The following KIAA0825 variants were observed in gnomAD, a reference collection of about 807,000 sequenced individuals.
KIAA0825 encodes KIAA0825.
KIAA0825 carries 119 observed loss-of-function variants against 147.6 expected under a neutral mutation model. The ratio of observed to expected loss-of-function variants is 0.81; its 90% CI spans 0.69 to 0.94. KIAA0825 has a LOEUF of 0.94. KIAA0825 is among the 40% of genes least tolerant of loss of function. The probability of loss-of-function intolerance (pLI) is 0.00; values close to 1 mark genes in which losing one functional copy is unlikely to be tolerated. For missense variants in KIAA0825, 1,381 were observed against 1,472.7 expected (o/e 0.94, Z 1.02); for synonymous variants, 470 against 518.1 (o/e 0.91, Z 1.26).
chr5:94,491,559 T>A (rs879288948), intron 5 of KIAA0825, among the ~76,000 whole-genome samples: 14 of 152,192 alleles, frequency 9.2e-5, no homozygotes, highest in Admixed American at 3.3e-4. Flanking sequence ...TAAAGGGCCT[T>A]CTGTGTCACT....
chr5:94,243,911 C>A (rs1336397984), intron 20 of KIAA0825, among the ~76,000 whole-genome samples: 1 of 152,146 alleles, frequency 6.6e-6, no homozygotes, highest in African/African-American at 2.4e-5. Context: ...AATCGTCTTG[C>A]AGTGTTTTCT....
intron 13 of KIAA0825, among the ~76,000 whole-genome samples, chr5:94,451,079 T>G (rs912650773): frequency 6.6e-6 from 1 of 152,188 alleles, no homozygotes; most frequent in Admixed American, 6.5e-5. Flanking sequence ...AGATAATGTA[T>G]GTAAAGCACT....
chr5:94,356,573 C>T (rs1026168735), intron 20 of KIAA0825, among the ~76,000 whole-genome samples: 1 of 150,816 alleles, frequency 6.6e-6, no homozygotes, highest in African/African-American at 2.4e-5. Context: ...ATTGCGCCAC[C>T]GGACTCCAGC....
chr5:94,463,863 G>A (rs1027620849), intron 11 of KIAA0825, among the ~76,000 whole-genome samples: 25 of 151,820 alleles, frequency 1.6e-4, no homozygotes, highest in Middle Eastern at 3.4e-3. Context: ...GCTACATAAG[G>A]AAAAGAATGA....
chr5:94,446,957 T>C lies in KIAA0825; in HGVS notation c.2357+6002A>G, dbSNP rs575450229. ...AGTAGATATTAGAAGTTAAAATTAA[T>C]GAGACTTAGTAATGGATTTGGTGTG... is the stretch of plus-strand genomic sequence containing the variant. On this transcript the variant is annotated intron_variant, in intron 13 of 20. Transcript: ENST00000682413. 3.5e-4 allele frequency among the ~76,000 whole-genome samples: 53 copies of C among 152,252 alleles called. 1 individual carries two copies. Among genetic ancestry groups the C allele is most frequent in the African/African-American group, 9.6e-4 (40 of 41,570 alleles).
chr5:94,240,972 A>T (rs1257591441), intron 20 of KIAA0825, among the ~76,000 whole-genome samples: 1 of 152,230 alleles, frequency 6.6e-6, no homozygotes, highest in African/African-American at 2.4e-5. Flanking sequence ...TGCCTGGTAA[A>T]TAAATGAATC....
intron 2 of KIAA0825, among the ~76,000 whole-genome samples, chr5:94,556,214 G>A (rs1041676778): frequency 3.3e-5 from 5 of 151,990 alleles, no homozygotes; most frequent in East Asian, 1.9e-4. Flanking sequence ...CACCACACCC[G>A]GCTAGTTTTT....
At chr5:94,326,403 T>C (rs1780696770) in intron 20 of KIAA0825, among the ~76,000 whole-genome samples, 1 of 152,186 alleles carries the variant, frequency 6.6e-6, no homozygotes. Flanking sequence ...TTTAATGTGA[T>C]AGCTAAAGTA....
rs528088296 is a variant in KIAA0825 at position 94,201,549 on chromosome 5, A to C, written c.3711-47425T>G. Among the ~76,000 whole-genome samples the C allele has an allele frequency of 5.3e-5, 8 of 151,682 alleles. No individual in the cohort carries two copies. In the South Asian group the frequency reaches 1.0e-3, roughly 20 times the overall value. On this transcript the variant is annotated intron_variant, in intron 20 of 20. Transcript: ENST00000682413. ...CAGCCTTCTGAGTAGCCTGGAATAC[A>C]GGTGCATGCCACCTTGCCTTGCTAA...
Position 94,550,766 on chromosome 5 carries a change from C to T in KIAA0825, c.-1-13639G>A, listed in dbSNP as rs1313388456. On this transcript the variant is annotated intron_variant, in intron 2 of 20. Transcript: ENST00000682413. ...CTGAGGCAGGAGAATGGCGTGAGCC[C>T]GGGAGGCGGAGCTTGCAGTGAGCCC... 8.0e-5 allele frequency among the ~76,000 whole-genome samples: 12 copies of T among 150,644 alleles called. No homozygotes were observed. In the South Asian group the frequency reaches 1.1e-3, roughly 13 times the overall value.
intron 1 of KIAA0825, among the ~76,000 whole-genome samples, chr5:94,602,283 G>A (rs976316358): frequency 3.3e-5 from 5 of 151,950 alleles, no homozygotes; most frequent in African/African-American, 7.3e-5. Context: ...CCTGGGAGGC[G>A]GAGCTTGCAG....
intron 20 of KIAA0825, among the ~76,000 whole-genome samples, chr5:94,307,605 G>A (rs1257863637): frequency 1.3e-5 from 2 of 151,328 alleles, no homozygotes; most frequent in African/African-American, 2.4e-5. Context: ...CTCCTTGCTC[G>A]CATCTTTTGC....
At chr5:94,209,316 C>T (rs753468179) in intron 20 of KIAA0825, among the ~76,000 whole-genome samples, 1 of 152,108 alleles carries the variant, frequency 6.6e-6, no homozygotes, top group Non-Finnish European at 1.5e-5. Flanking sequence ...CTGAATAGTC[C>T]AGATTCTAGA....
At chr5:94,565,080 C>T (rs1584906919) in intron 2 of KIAA0825, among the ~76,000 whole-genome samples, 4 of 95,454 alleles carry the variant, frequency 4.2e-5, no homozygotes, top group African/African-American at 7.9e-5. Context: ...CTCTTTCTCT[C>T]TCTTTCTTGC....
At chr5:94,560,857 C>T (rs1225217030) in intron 2 of KIAA0825, among the ~76,000 whole-genome samples, 1 of 152,240 alleles carries the variant, frequency 6.6e-6, no homozygotes, top group Non-Finnish European at 1.5e-5. Context: ...ACACAGCACA[C>T]ACACACGCAC....
intron 1 of KIAA0825, among the ~76,000 whole-genome samples, chr5:94,595,035 T>C (rs57922034): frequency 0.011 from 1,623 of 152,298 alleles, 34 homozygotes; most frequent in African/African-American, 0.036. Flanking sequence ...TTTCAGAGGC[T>C]GGCGTTGAGT....
In KIAA0825 at chr5:94,524,109, C is replaced by T. The variant is rs781764173; in HGVS notation, c.132-11G>A. 1 of 1,582,092 alleles carries T rather than the reference C, an allele frequency of 6.3e-7. No homozygotes were observed. Among genetic ancestry groups the T allele is most frequent in the Admixed American group, 1.8e-5 (1 of 55,486 alleles). Reference sequence around the variant, plus strand: ...ATGCAATGTTTTATGCTATAAAAAACAGAAGAAAAAGTTATTTTGGCAGGA... The same window carrying T: ...ATGCAATGTTTTATGCTATAAAAAATAGAAGAAAAAGTTATTTTGGCAGGA... On this transcript the variant is annotated splice_polypyrimidine_tract_variant and intron_variant, in intron 3 of 20. Coordinates refer to ENST00000682413, the MANE Select transcript of KIAA0825 (RefSeq NM_001145678.3).
intron 20 of KIAA0825, among the ~76,000 whole-genome samples, chr5:94,212,657 T>C (rs1425372899): frequency 2.0e-5 from 3 of 152,300 alleles, no homozygotes; most frequent in Admixed American, 2.0e-4. Context: ...GGATGCTGCA[T>C]GTATAGTGAA....
intron 1 of KIAA0825, among the ~76,000 whole-genome samples, chr5:94,601,512 A>G (rs1786443880): frequency 1.3e-5 from 2 of 152,210 alleles, no homozygotes; most frequent in Non-Finnish European, 2.9e-5. Flanking sequence ...AAATGACCAC[A>G]TCACCTTTCC....
Sources: allele counts gnomAD v4.1 joint callset (sites outside exome capture counted in the v4.1 genomes callset), GRCh38; gene constraint gnomAD v4.1.1; transcripts MANE v1.5; gene names NCBI Gene and HGNC (gene_info 2026-07-23, HGNC 2026-07-21).